EPS15: variants seen among roughly 807,000 people sequenced by gnomAD.
EPS15 encodes the protein epidermal growth factor receptor pathway substrate 15.
EPS15 carries 72 observed loss-of-function variants against 113.8 expected under a neutral mutation model. That is an observed-to-expected ratio of 0.63 (90% CI 0.52 to 0.77). The LOEUF is 0.77. Ranked by LOEUF, EPS15 falls within the 30% of genes least tolerant of loss-of-function variation. The pLI, the probability that EPS15 is intolerant of heterozygous loss-of-function variation, is 0.00. For missense variants in EPS15, 1,048 were observed against 1,045.8 expected, an observed-to-expected ratio of 1.00 and a Z score of -0.03; for synonymous variants, 344 against 363.4, an observed-to-expected ratio of 0.95 and a Z score of 0.61.
rs529753689 is a variant in EPS15 at position 51,372,248 on chromosome 1, G to C, written c.2120-6219C>G. The C allele has an allele frequency of 1.1e-3, 510 of 480,730 alleles. 9 individuals are homozygous for C. The highest frequency in any genetic ancestry group is 5.1e-3 in the South Asian group (337 of 65,808). 29.8% of individuals were successfully genotyped at this position (480,730 alleles called of 1,614,324 possible). On this transcript the variant is annotated intron_variant, in intron 21 of 24. Transcript: ENST00000371733. ...GGGTTGCAGGGAGCTAGGCCTAGTG[G>C]GCGGTGTGTGTCAAGATGTCAGAGC... is the stretch of plus-strand genomic sequence containing the variant.
intron 21 of EPS15, among the ~76,000 whole-genome samples, chr1:51,380,216 C>T (rs1253612637): frequency 4.0e-5 from 6 of 150,502 alleles, no homozygotes; most frequent in African/African-American, 9.8e-5. Context: ...AAGAGCAAAA[C>T]TCTGCCTCAA....
At chr1:51,406,547 C>T (rs903070142) in intron 15 of EPS15, among the ~76,000 whole-genome samples, 2 of 152,166 alleles carry the variant, frequency 1.3e-5, no homozygotes, top group South Asian at 4.1e-4. Flanking sequence ...GAAGAATCCT[C>T]TGGGAATGCT....
At chr1:51,506,095 C>G (rs1644495092) in intron 1 of EPS15, among the ~76,000 whole-genome samples, 1 of 152,164 alleles carries the variant, frequency 6.6e-6, no homozygotes, top group African/African-American at 2.4e-5. Context: ...CCACTTTGGC[C>G]AGGCTGGTCT....
At chr1:51,416,108 T>A (rs1029303781) in intron 13 of EPS15, among the ~76,000 whole-genome samples, 5 of 152,088 alleles carry the variant, frequency 3.3e-5, no homozygotes, top group African/African-American at 1.2e-4. Context: ...TGCTCTCTCC[T>A]CCCCCGCCAT....
chr1:51,379,808 TCCCAG>T (rs1437306598), intron 21 of EPS15, among the ~76,000 whole-genome samples: 3 of 152,110 alleles, frequency 2.0e-5, no homozygotes, highest in African/African-American at 7.2e-5. Context: ...ATGCCTGTAA[TCCCAG>T]CACTTTGGGA....
intron 12 of EPS15, among the ~76,000 whole-genome samples, chr1:51,427,180 C>T (rs1651296541): frequency 6.6e-6 from 1 of 152,056 alleles, no homozygotes; most frequent in African/African-American, 2.4e-5. Context: ...AGTTAAACAC[C>T]AACAAACTCT....
At chr1:51,447,898 G>T in intron 9 of EPS15, 148 bp downstream of exon 9, 1 of 1,239,028 alleles carries the variant, frequency 8.1e-7, no homozygotes, top group Non-Finnish European at 1.1e-6. Flanking sequence ...CATGTACTTT[G>T]TTAAAAAAAA....
chr1:51,409,684 C>T lies in EPS15; in HGVS notation c.1126G>A (p.Glu376Lys). 1 of 1,606,634 alleles carries T rather than the reference C, an allele frequency of 6.2e-7. No homozygotes were observed. The highest frequency in any genetic ancestry group is 8.5e-7 in the Non-Finnish European group (1 of 1,176,854). ...AGATTAGTATTCTCCCTTTGAACTTCATCTTGAAGATCCTAAAATCCAAGA... is the reference window on the plus strand; with the variant it reads ...AGATTAGTATTCTCCCTTTGAACTTTATCTTGAAGATCCTAAAATCCAAGA... ...RTSEVQDLQD[E>K]VQRENTNLQK... Residue 376 changes from glutamate (E) to lysine (K), a missense_variant, in exon 14 of 25, where the codon GAA becomes AAA. Coordinates refer to ENST00000371733, the MANE Select transcript of EPS15 (RefSeq NM_001981.3).
intron 4 of EPS15, among the ~76,000 whole-genome samples, chr1:51,468,944 A>T (rs1655047179): frequency 6.6e-6 from 1 of 152,132 alleles, no homozygotes; most frequent in Non-Finnish European, 1.5e-5. Context: ...CCTGGCCAAC[A>T]CGGAGAAACC....
chr1:51,485,742 C>T lies in EPS15; in HGVS notation c.34-4428G>A, dbSNP rs563603505. Among the ~76,000 whole-genome samples, 15 of 152,252 alleles carry T rather than the reference C, an allele frequency of 9.9e-5. No individual in the cohort carries two copies. In the East Asian group the frequency reaches 1.2e-3, roughly 12 times the overall value. ...ATTAAATGAGAGTTCAAATAGTACA[C>T]GAGATTTCATTTTGAAATTTTATCA... is the stretch of plus-strand genomic sequence containing the variant. On this transcript the variant is annotated intron_variant, in intron 1 of 24. Transcript: ENST00000371733.
intron 2 of EPS15, among the ~76,000 whole-genome samples, chr1:51,474,680 T>TA (rs1655480629): frequency 1.3e-5 from 2 of 151,638 alleles, no homozygotes; most frequent in Non-Finnish European, 2.9e-5. Flanking sequence ...GTTTTCTTTT[T>TA]TTATTATTAT....
intron 10 of EPS15, among the ~76,000 whole-genome samples, chr1:51,446,536 C>G (rs1653067849): frequency 6.6e-6 from 1 of 151,528 alleles, no homozygotes; most frequent in Non-Finnish European, 1.5e-5. Flanking sequence ...TCACTGCAAC[C>G]TCCACCTCCC....
chr1:51,392,733 C>T (rs1317917514), intron 21 of EPS15, among the ~76,000 whole-genome samples: 1 of 152,252 alleles, frequency 6.6e-6, no homozygotes, highest in African/African-American at 2.4e-5. Context: ...AGGCATACCA[C>T]AAAAGCCACA....
At chr1:51,442,838 GA>G (rs1652701666) in intron 11 of EPS15, among the ~76,000 whole-genome samples, 1 of 152,012 alleles carries the variant, frequency 6.6e-6, no homozygotes, top group African/African-American at 2.4e-5. Flanking sequence ...GTAGAGTTAA[GA>G]AACTGACAGT....
chr1:51,463,577 T>C, intron 7 of EPS15, 96 bp downstream of exon 7: 1 of 624,344 alleles, frequency 1.6e-6, no homozygotes. Context: ...AAATAAGATT[T>C]GTATATTTTT....
At chr1:51,388,400 A>C (rs576501343) in intron 21 of EPS15, among the ~76,000 whole-genome samples, 22 of 152,346 alleles carry the variant, frequency 1.4e-4, no homozygotes, top group African/African-American at 5.3e-4. Context: ...CTAACATCAC[A>C]ATTAAAAGAA....
intron 2 of EPS15, among the ~76,000 whole-genome samples, chr1:51,475,129 C>T (rs1015384729): frequency 1.3e-5 from 2 of 152,180 alleles, no homozygotes; most frequent in African/African-American, 4.8e-5. Context: ...GTGAATAGTG[C>T]CGCAATAAAC....
chr1:51,512,601 A>G (rs1644642076), intron 1 of EPS15, among the ~76,000 whole-genome samples: 3 of 152,206 alleles, frequency 2.0e-5, no homozygotes, highest in Admixed American at 2.0e-4. Flanking sequence ...CAAACAGCCC[A>G]TCAAGAGAAC....
At position 51,463,656 on chromosome 1, in the gene EPS15, A is replaced by T. The variant is rs747010805; in HGVS notation, c.501+17T>A. 2.7e-6 allele frequency: 4 copies of T among 1,497,208 alleles called. No homozygotes were observed. The highest frequency in any genetic ancestry group is 3.7e-6 in the Non-Finnish European group (4 of 1,086,482). The allele number at this position is 1,497,208 out of a possible 1,614,324, so 92.7% of individuals were successfully genotyped here. ...AAAATACATAAAAATTACATTTCGG[A>T]GTAAATAATATCTTACTCTTCCAAG... On this transcript the variant is annotated intron_variant, in intron 7 of 24. Transcript: ENST00000371733.
Sources: allele counts gnomAD v4.1 joint callset (sites outside exome capture counted in the v4.1 genomes callset), GRCh38; gene constraint gnomAD v4.1.1; transcripts MANE v1.5; gene names NCBI Gene and HGNC (gene_info 2026-07-23, HGNC 2026-07-21).